The following SNTG1 variants were observed in gnomAD, a reference collection of about 807,000 sequenced individuals.
SNTG1 encodes syntrophin gamma 1, also known as gamma-1-syntrophin.
A neutral mutation model predicts 74.7 loss-of-function variants in SNTG1; 39 were observed. The ratio of observed to expected loss-of-function variants is 0.52; its 90% CI spans 0.40 to 0.68. The LOEUF (loss-of-function observed/expected upper bound fraction) is 0.68, where lower values mean the gene tolerates loss of function less well. Ranked by LOEUF, SNTG1 falls within the 30% of genes least tolerant of loss-of-function variation. SNTG1 has a pLI of 0.00. For synonymous variants in SNTG1, 254 were observed against 217.1 expected, an observed-to-expected ratio of 1.17 and a Z score of -1.49; for missense variants, 685 against 609.5, an observed-to-expected ratio of 1.12 and a Z score of -1.30.
At chr8:50,244,191 T>C (rs556953498) in intron 2 of SNTG1, among the ~76,000 whole-genome samples, 4 of 152,132 alleles carry the variant, frequency 2.6e-5, no homozygotes, top group Admixed American at 2.6e-4. Flanking sequence ...CACGCAGATC[T>C]TGGGAGTACC....
At chr8:50,236,450 A>ATT (rs56003219) in intron 2 of SNTG1, among the ~76,000 whole-genome samples, 70,839 of 138,100 alleles carry the variant, frequency 0.51, 20,909 homozygotes, top group Non-Finnish European at 0.64. Context: ...TTAATTGTAA[A>ATT]TTTTTTTTTT....
chr8:50,272,186 T>C (rs561955243), intron 2 of SNTG1, among the ~76,000 whole-genome samples: 1 of 152,348 alleles, frequency 6.6e-6, no homozygotes, highest in East Asian at 1.9e-4. Flanking sequence ...ATCATCAATT[T>C]GGTAATTATT....
chr8:50,342,554 C>T (rs2091348628), intron 2 of SNTG1, among the ~76,000 whole-genome samples: 1 of 152,108 alleles, frequency 6.6e-6, no homozygotes, highest in Non-Finnish European at 1.5e-5. Context: ...AGTATTTTGG[C>T]TTCAAGTATT....
At position 50,164,092 on chromosome 8, in the gene SNTG1, C is replaced by CTTTT. The variant is rs3086088; in HGVS notation, c.-102-8447_-102-8444dup. 1.4e-3 allele frequency: 104 copies of CTTTT among 71,984 alleles called. 3 individuals are homozygous for CTTTT. The highest frequency in any genetic ancestry group is 2.3e-3 in the African/African-American group (47 of 20,808). 4.5% of individuals were successfully genotyped at this position (71,984 alleles called of 1,614,324 possible). On this transcript the variant is annotated intron_variant, in intron 1 of 18. Transcript: ENST00000642720. ...AGACTTTGATAGAAAGACACAATTTCTTTTTTTTTTTTTTTTTTTTTTTTT... is the reference window on the plus strand; with the variant it reads ...AGACTTTGATAGAAAGACACAATTTCTTTTTTTTTTTTTTTTTTTTTTTTTTTTT...
chr8:50,680,245 T>C (rs2095325700), intron 15 of SNTG1, among the ~76,000 whole-genome samples: 1 of 152,174 alleles, frequency 6.6e-6, no homozygotes, highest in South Asian at 2.1e-4. Flanking sequence ...AATTTTATTG[T>C]AAAAACTTGC....
At chr8:50,051,646 A>G (rs1819584401) in intron 1 of SNTG1, among the ~76,000 whole-genome samples, 1 of 152,064 alleles carries the variant, frequency 6.6e-6, no homozygotes, top group Admixed American at 6.6e-5. Context: ...GTGGTTTCCC[A>G]GCAATCTTCA....
chr8:50,312,448 CA>C (rs1434395171), intron 2 of SNTG1, among the ~76,000 whole-genome samples: 4 of 138,014 alleles, frequency 2.9e-5, no homozygotes, highest in Non-Finnish European at 1.5e-5. Flanking sequence ...TATTTTTATG[CA>C]TAATGAATTC....
chr8:50,374,136 C>A (rs543990558), intron 2 of SNTG1, among the ~76,000 whole-genome samples: 6 of 152,316 alleles, frequency 3.9e-5, no homozygotes, highest in Non-Finnish European at 7.4e-5. Flanking sequence ...TGGCATTCTG[C>A]CACAATTTTC....
intron 1 of SNTG1, among the ~76,000 whole-genome samples, chr8:50,135,481 T>C (rs1337196449): frequency 5.3e-5 from 8 of 152,328 alleles, no homozygotes; most frequent in Admixed American, 5.2e-4. Flanking sequence ...ATATTGTTGA[T>C]AGCTACCATT....
chr8:50,521,285 G>A (rs981243160), intron 9 of SNTG1, among the ~76,000 whole-genome samples: 1 of 152,146 alleles, frequency 6.6e-6, no homozygotes, highest in Non-Finnish European at 1.5e-5. Flanking sequence ...GGGGTCTAGG[G>A]GAGGGATAGC....
intron 14 of SNTG1, among the ~76,000 whole-genome samples, chr8:50,657,587 A>C (rs907958581): frequency 6.6e-6 from 1 of 152,152 alleles, no homozygotes; most frequent in Admixed American, 6.5e-5. Context: ...TATTAAGTCT[A>C]TCTCACCCTA....
chr8:50,283,670 C>T (rs2088601156), intron 2 of SNTG1, among the ~76,000 whole-genome samples: 1 of 152,134 alleles, frequency 6.6e-6, no homozygotes, highest in South Asian at 2.1e-4. Context: ...CTTGAATCAA[C>T]TCTTAACTGA....
chr8:50,105,846 T>C (rs1481921051), intron 1 of SNTG1, among the ~76,000 whole-genome samples: 1 of 152,144 alleles, frequency 6.6e-6, no homozygotes, highest in Non-Finnish European at 1.5e-5. Flanking sequence ...ATTACTGGCA[T>C]ATAGAAATCC....
chr8:50,720,147 G>C (rs1441931100), intron 17 of SNTG1, among the ~76,000 whole-genome samples: 1 of 152,136 alleles, frequency 6.6e-6, no homozygotes, highest in Non-Finnish European at 1.5e-5. Context: ...CATTTCAAAA[G>C]TGTGTTCAAC....
intron 2 of SNTG1, among the ~76,000 whole-genome samples, chr8:50,205,075 G>A (rs938536580): frequency 6.6e-6 from 1 of 152,114 alleles, no homozygotes; most frequent in Non-Finnish European, 1.5e-5. Flanking sequence ...AATCTTTTGG[G>A]TATACACCCA....
intron 2 of SNTG1, among the ~76,000 whole-genome samples, chr8:50,370,297 G>A (rs1426916716): frequency 6.6e-6 from 1 of 152,280 alleles, no homozygotes; most frequent in Admixed American, 6.5e-5. Context: ...ATACCACTCT[G>A]CGACTGGCTG....
chr8:50,047,345 A>T (rs570424824), intron 1 of SNTG1, among the ~76,000 whole-genome samples: 134 of 151,870 alleles, frequency 8.8e-4, no homozygotes, highest in African/African-American at 3.0e-3. Flanking sequence ...AAAAAAAAAA[A>T]TTTTTAGTTC....
chr8:50,780,592 C>T (rs2095656126), intron 18 of SNTG1, among the ~76,000 whole-genome samples: 1 of 152,126 alleles, frequency 6.6e-6, no homozygotes, highest in Non-Finnish European at 1.5e-5. Flanking sequence ...ATTCTTCTCT[C>T]TTTTCTTCTT....
intron 1 of SNTG1, among the ~76,000 whole-genome samples, chr8:50,023,207 G>T (rs2130693701): frequency 6.6e-6 from 1 of 152,228 alleles, no homozygotes; most frequent in Non-Finnish European, 1.5e-5. Context: ...AGACGGGAAG[G>T]AAGCAGTGCA....
Sources: gnomAD v4.1 joint callset for allele counts (sites outside exome capture counted in the v4.1 genomes callset) on GRCh38, gnomAD v4.1.1 for gene constraint, MANE v1.5 for transcripts, NCBI Gene and HGNC (gene_info 2026-07-23, HGNC 2026-07-21) for gene names.